Variants in MRC2 observed in about 807,000 individuals in gnomAD.
The protein encoded by MRC2 is C-type mannose receptor 2.
In MRC2, 84 loss-of-function variants were observed where a neutral mutation model predicts 206.2. That is an observed-to-expected ratio of 0.41 (90% CI 0.34 to 0.49). MRC2 has a LOEUF of 0.49. Among genes scored for constraint, MRC2 ranks in the 20% least tolerant of loss-of-function variants. The probability of loss-of-function intolerance (pLI) is 0.31; values close to 1 mark genes in which losing one functional copy is unlikely to be tolerated. For missense variants in MRC2, 1,676 were observed against 2,001.5 expected (o/e 0.84, Z 3.10); for synonymous variants, 798 against 800.0 (o/e 1.00, Z 0.04).
chr17:62,674,429 C>T (rs1244196917), intron 9 of MRC2, among the ~76,000 whole-genome samples: 1 of 151,982 alleles, frequency 6.6e-6, no homozygotes, highest in Non-Finnish European at 1.5e-5. Flanking sequence ...AAGCCACTTC[C>T]TCGAGACAGC....
chr17:62,679,710 G>A, intron 13 of MRC2, 90 bp from the exon 14 acceptor site: 1 of 1,284,144 alleles, frequency 7.8e-7, no homozygotes, highest in Non-Finnish European at 1.1e-6. Flanking sequence ...GGCTGCCCCG[G>A]TCACAGCTGC....
intron 1 of MRC2, among the ~76,000 whole-genome samples, chr17:62,634,248 A>G (rs780597371): frequency 2.0e-5 from 3 of 152,126 alleles, no homozygotes; most frequent in Non-Finnish European, 4.4e-5. Context: ...ATCTTTTAGC[A>G]TGCCAATGCG....
chr17:62,636,508 G>T (rs1386410425), intron 1 of MRC2, among the ~76,000 whole-genome samples: 1 of 125,740 alleles, frequency 8.0e-6, no homozygotes, highest in Non-Finnish European at 1.6e-5. Flanking sequence ...TCGCTCTGTC[G>T]CCCAGGCTGG....
chr17:62,637,469 G>T (rs540425875), intron 1 of MRC2, among the ~76,000 whole-genome samples: 1 of 151,790 alleles, frequency 6.6e-6, no homozygotes, highest in African/African-American at 2.4e-5. Context: ...CCTGGAGGTG[G>T]AGGTTGCAGT....
chr17:62,632,661 G>A (rs1219123458), intron 1 of MRC2, among the ~76,000 whole-genome samples: 1 of 152,134 alleles, frequency 6.6e-6, no homozygotes, highest in Non-Finnish European at 1.5e-5. Flanking sequence ...CGAGACTCAA[G>A]GATCCTGGGG....
At chr17:62,630,865 G>A (rs1350327011) in intron 1 of MRC2, among the ~76,000 whole-genome samples, 1 of 152,248 alleles carries the variant, frequency 6.6e-6, no homozygotes, top group East Asian at 1.9e-4. Context: ...GAGTCGTGGG[G>A]TTCGGAAACT....
intron 6 of MRC2, among the ~76,000 whole-genome samples, chr17:62,668,664 C>G (rs994501128): frequency 1.3e-5 from 2 of 152,190 alleles, no homozygotes; most frequent in African/African-American, 4.8e-5. Context: ...TGCAGCCAGT[C>G]TCTGCAGGGT....
In MRC2 at chr17:62,675,857, G is replaced by A. The variant is rs780432834; in HGVS notation, c.1637G>A (p.Arg546Gln). Reference protein sequence around the residue: ...GEDQVTYSEARRLCTDHGSQL... With the variant: ...GEDQVTYSEAQRLCTDHGSQL... ...GACCAAGTGACCTACAGTGAGGCCCGGCGCCTGTGCACTGACCATGGCTCT... is the reference window on the plus strand; with the variant it reads ...GACCAAGTGACCTACAGTGAGGCCCAGCGCCTGTGCACTGACCATGGCTCT... Residue 546 changes from arginine to glutamine, a missense_variant, in exon 10 of 30, where the codon CGG (arginine) becomes CAG (glutamine). Transcript: ENST00000303375. The surrounding 1 kb of genome is among the most constrained non-coding windows in gnomAD (Gnocchi z 4.1). 3.0e-5 allele frequency: 49 copies of A among 1,613,976 alleles called. No individual in the cohort carries two copies. The highest frequency in any genetic ancestry group is 3.4e-5 in the Non-Finnish European group (40 of 1,180,006).
intron 8 of MRC2, 96 bp from the exon 9 acceptor site, chr17:62,673,967 G>GGCTTACTGGCACATGGTAGATACTCA: frequency 1.0e-6 from 1 of 965,188 alleles, no homozygotes; most frequent in Non-Finnish European, 1.6e-6. Context: ...CAGTAAGTCA[G>GGCTTACTGGCACATGGTAGATACTCA]AGACAGGGCC....
rs538252310 is a variant in MRC2 at position 62,649,846 on chromosome 17, T to C, written c.119-14702T>C. ...CCACCGATACATACATTTTTTGTTT[T>C]GTTTTATTTTGAAATAGATACAGCC... On this transcript the variant is annotated intron_variant, in intron 1 of 29. Transcript: ENST00000303375. Among the ~76,000 whole-genome samples the C allele has an allele frequency of 3.3e-5, 5 of 151,988 alleles. No homozygotes were observed. The South Asian group carries it at 8.3e-4, about 25-fold the overall frequency.
At chr17:62,688,457 T>C (rs2089059325) in intron 21 of MRC2, 44 bp from the exon 22 acceptor site, 1 of 1,614,070 alleles carries the variant, frequency 6.2e-7, no homozygotes, top group Non-Finnish European at 8.5e-7. Flanking sequence ...TCCCCCCAAA[T>C]AGCTATAGCA....
In MRC2 at chr17:62,693,069, T is replaced by G. The variant is rs1438503949; in HGVS notation, c.*618T>G. Reference sequence around the variant, plus strand: ...CGTGGCAGGAGGGGCCTAGGTGGGTTGGGCCTGAGAACCAGGGCACGGGTG... The same window carrying G: ...CGTGGCAGGAGGGGCCTAGGTGGGTGGGGCCTGAGAACCAGGGCACGGGTG... On this transcript the variant is annotated 3_prime_UTR_variant, in exon 30 of 30. Coordinates refer to ENST00000303375, the MANE Select transcript of MRC2 (RefSeq NM_006039.5). The G allele has an allele frequency of 6.5e-6, 1 of 152,958 alleles. No homozygotes were observed. Among genetic ancestry groups the G allele is most frequent in the Non-Finnish European group, 1.5e-5 (1 of 68,536 alleles). The allele number at this position is 152,958 out of a possible 1,614,324, so 9.5% of individuals were successfully genotyped here.
At chr17:62,684,304 T>C (rs1021407921) in intron 20 of MRC2, among the ~76,000 whole-genome samples, 1 of 152,152 alleles carries the variant, frequency 6.6e-6, no homozygotes, top group African/African-American at 2.4e-5. Context: ...TAAACAAACA[T>C]TTTTGTTTAA....
intron 1 of MRC2, among the ~76,000 whole-genome samples, chr17:62,628,681 A>G (rs2084190838): frequency 6.6e-6 from 1 of 152,156 alleles, no homozygotes; most frequent in Non-Finnish European, 1.5e-5. Context: ...CAGGAAACAA[A>G]ACAAAAATCA....
chr17:62,634,112 C>T lies in MRC2; in HGVS notation c.118+6192C>T, dbSNP rs2088281645. On this transcript the variant is annotated intron_variant, in intron 1 of 29. Transcript: ENST00000303375. ...TATGCTAAACAAGGGGTGGATTATT[C>T]ATGAGTTTTCTGGGAAAGGGGTGGG... Among the ~76,000 whole-genome samples the T allele has an allele frequency of 2.0e-5, 3 of 152,082 alleles. No homozygotes were observed. In the South Asian group the frequency reaches 6.2e-4, roughly 32 times the overall value.
intron 1 of MRC2, among the ~76,000 whole-genome samples, chr17:62,630,530 TTGCTGGC>T (rs1363128947): frequency 1.2e-4 from 18 of 152,074 alleles, no homozygotes; most frequent in African/African-American, 4.3e-4. Context: ...ATGTGGAAGC[TTGCTGGC>T]TGGGCCGGGG....
Position 62,680,153 on chromosome 17 carries a change from C to G in MRC2, c.2299-17C>G. ...CTTGCGCCTCACGTTCCTCTTCCCT[C>G]CACCCGCCTCCTCCAGTTCTCTTAC... is the stretch of plus-strand genomic sequence containing the variant. On this transcript the variant is annotated splice_polypyrimidine_tract_variant and intron_variant, in intron 14 of 29. Coordinates refer to ENST00000303375, the MANE Select transcript of MRC2 (RefSeq NM_006039.5). The surrounding 1 kb of genome is among the most constrained non-coding windows in gnomAD (Gnocchi z 4.8). 6.2e-7 allele frequency: 1 copy of G among 1,613,992 alleles called. No homozygotes were observed. The highest frequency in any genetic ancestry group is 8.5e-7 in the Non-Finnish European group (1 of 1,179,932).
In MRC2 at chr17:62,676,367, A is replaced by G. The variant is rs2088891696; in HGVS notation, c.1686-16A>G. ...AAGCAGGGAGATCCCTGCCCTGACC[A>G]GCCTGTCTCCTGAAGGTTCGAGCAG... On this transcript the variant is annotated splice_polypyrimidine_tract_variant and intron_variant, in intron 10 of 29. Coordinates refer to ENST00000303375, the MANE Select transcript of MRC2 (RefSeq NM_006039.5). 6.2e-7 allele frequency: 1 copy of G among 1,613,260 alleles called. No individual in the cohort carries two copies. The highest frequency in any genetic ancestry group is 1.3e-5 in the African/African-American group (1 of 74,908).
intron 1 of MRC2, among the ~76,000 whole-genome samples, chr17:62,654,645 C>G (rs2088596066): frequency 6.6e-6 from 1 of 152,074 alleles, no homozygotes; most frequent in Admixed American, 6.6e-5. Flanking sequence ...TTGCACTCAG[C>G]CTCGCGACTT....
Sources: gnomAD v4.1 joint callset for allele counts (sites outside exome capture counted in the v4.1 genomes callset) on GRCh38, gnomAD v4.1.1 for gene constraint, Gnocchi (gnomAD v3.1) non-coding constraint, MANE v1.5 for transcripts, NCBI Gene and HGNC (gene_info 2026-07-23, HGNC 2026-07-21) for gene names.